The following WDR89 variants were observed in gnomAD, a reference collection of about 807,000 sequenced individuals.
WDR89 encodes WD repeat-containing protein 89.
Under a neutral mutation model 29.1 loss-of-function variants are expected in WDR89, and 17 were observed. The ratio of observed to expected loss-of-function variants is 0.58; its 90% CI spans 0.40 to 0.88. The LOEUF is 0.88. Among genes scored for constraint, WDR89 ranks in the 40% least tolerant of loss-of-function variants. The probability of loss-of-function intolerance (pLI) is 0.00; values close to 1 mark genes in which losing one functional copy is unlikely to be tolerated. For synonymous variants in WDR89, 138 were observed against 157.8 expected (o/e 0.87, Z 0.94); for missense variants, 396 against 456.3 (o/e 0.87, Z 1.20).
intron 2 of WDR89, among the ~76,000 whole-genome samples, chr14:63,614,703 G>C (rs1487240280): frequency 6.6e-6 from 1 of 152,196 alleles, no homozygotes; most frequent in Admixed American, 6.5e-5. Context: ...TTAGAGAAAT[G>C]TATGTGTATG....
chr14:63,632,594 C>T (rs1432633944), intron 1 of WDR89, among the ~76,000 whole-genome samples: 1 of 152,150 alleles, frequency 6.6e-6, no homozygotes, highest in African/African-American at 2.4e-5. Context: ...GATCACACCA[C>T]TGCACTCCAG....
intron 2 of WDR89, among the ~76,000 whole-genome samples, chr14:63,606,681 T>C (rs535145204): frequency 6.6e-6 from 1 of 152,348 alleles, no homozygotes; most frequent in Admixed American, 6.5e-5. Context: ...GACCCATTTC[T>C]CATTGTTAGG....
At chr14:63,624,065 C>A (rs1236961746) in intron 2 of WDR89, among the ~76,000 whole-genome samples, 4 of 152,106 alleles carry the variant, frequency 2.6e-5, no homozygotes, top group Non-Finnish European at 4.4e-5. Context: ...AAAAGGGAAT[C>A]TATGACCTTT....
rs186462597 is a variant in WDR89 at position 63,639,283 on chromosome 14, G to A, written c.-138+2521C>T. Among the ~76,000 whole-genome samples the A allele has an allele frequency of 3.3e-3, 499 of 150,834 alleles. 1 individual carries two copies. Among genetic ancestry groups the A allele is most frequent in the African/African-American group, 0.012 (479 of 40,786 alleles). ...GCCAGTAATGCCAGAACTTTGGGAG[G>A]CCAAGGTGGGAGGACTGCTTGAGCC... On this transcript the variant is annotated intron_variant, in intron 1 of 2. Coordinates refer to ENST00000620954, the MANE Select transcript of WDR89 (RefSeq NM_080666.4).
intron 2 of WDR89, among the ~76,000 whole-genome samples, chr14:63,602,138 C>T (rs1236327689): frequency 6.6e-6 from 1 of 152,080 alleles, no homozygotes; most frequent in African/African-American, 2.4e-5. Context: ...TAATGCATGC[C>T]ATGTGTTCTG....
rs781745691 is a variant in WDR89, at chr14:63,624,959, G to A, written c.-63C>T. 6.6e-6 allele frequency: 1 copy of A among 152,042 alleles called. No individual in the cohort carries two copies. Among genetic ancestry groups the A allele is most frequent in the Non-Finnish European group, 1.5e-5 (1 of 68,006 alleles). The allele number at this position is 152,042 out of a possible 1,614,324, so 9.4% of individuals were successfully genotyped here. On this transcript the variant is annotated 5_prime_UTR_variant, in exon 2 of 3. Coordinates refer to ENST00000620954, the MANE Select transcript of WDR89 (RefSeq NM_080666.4). ...AGCCCACTTTTAGGTATTTACTCAA[G>A]AGAAATGACAACTTATGTCCGTACA...
rs35582220 is a variant in WDR89 at position 63,626,676 on chromosome 14, CAAAAAAAAAAAAAAAAAA to C, written c.-137-1661_-137-1644del. The stretch of plus-strand genomic sequence containing the variant: ...CCTGGGCTACAGAGTGAGACTGTCT[CAAAAAAAAAAAAAAAAAA>C]AAAAAAAAAAAAAAAAGTTCCGTCT... On this transcript the variant is annotated intron_variant, in intron 1 of 2. Transcript: ENST00000620954. Among the ~76,000 whole-genome samples the C allele has an allele frequency of 1.7e-3, 59 of 34,596 alleles. 1 individual carries two copies. The highest frequency in any genetic ancestry group is 3.5e-3 in the African/African-American group (46 of 13,014). 22.7% of individuals were successfully genotyped at this position (34,596 alleles called of 152,430 possible).
chr14:63,615,820 C>T (rs559330505), intron 2 of WDR89, among the ~76,000 whole-genome samples: 2 of 151,192 alleles, frequency 1.3e-5, no homozygotes, highest in Non-Finnish European at 2.9e-5. Context: ...GCTACTCAGG[C>T]GGCTGAGGCA....
At chr14:63,639,058 C>T (rs1377636840) in intron 1 of WDR89, among the ~76,000 whole-genome samples, 4 of 152,028 alleles carry the variant, frequency 2.6e-5, no homozygotes, top group Non-Finnish European at 5.9e-5. Context: ...AGCATGATGT[C>T]CTGTGCAGAA....
At chr14:63,632,568 G>C (rs942779620) in intron 1 of WDR89, among the ~76,000 whole-genome samples, 1 of 152,150 alleles carries the variant, frequency 6.6e-6, no homozygotes, top group Non-Finnish European at 1.5e-5. Flanking sequence ...GGGAGGTGGA[G>C]GTTGCAGTGA....
rs145268468 is a variant in WDR89 at position 63,640,767 on chromosome 14, C to T, written c.-138+1037G>A. 6.4e-3 allele frequency among the ~76,000 whole-genome samples: 974 copies of T among 151,094 alleles called. 11 individuals carry two copies. Among genetic ancestry groups the T allele is most frequent in the East Asian group, 0.025 (129 of 5,088 alleles). On this transcript the variant is annotated intron_variant, in intron 1 of 2. Transcript: ENST00000620954. ...CTGGGATTACTGGCGTGAGCCACCG[C>T]GCCCAGGCTTTTATTGACTTTAAAT...
intron 1 of WDR89, among the ~76,000 whole-genome samples, chr14:63,635,887 A>AAAAC (rs1303886917): frequency 4.6e-5 from 7 of 152,206 alleles, no homozygotes; most frequent in East Asian, 3.8e-4. Flanking sequence ...AATAGCTGCA[A>AAAAC]AAACAAACAA....
chr14:63,604,850 A>T (rs1895233554), intron 2 of WDR89, among the ~76,000 whole-genome samples: 1 of 152,188 alleles, frequency 6.6e-6, no homozygotes, highest in African/African-American at 2.4e-5. Context: ...AGTTAAGATT[A>T]TAATGGAGGC....
At chr14:63,619,637 A>T (rs1259194466) in intron 2 of WDR89, among the ~76,000 whole-genome samples, 1 of 152,068 alleles carries the variant, frequency 6.6e-6, no homozygotes, top group Non-Finnish European at 1.5e-5. Flanking sequence ...AAAACAGAAG[A>T]CAACAAGTAT....
At position 63,599,343 on chromosome 14, in the gene WDR89, A is replaced by G; in HGVS notation, c.600T>C (p.Ile200=). 6.2e-7 allele frequency: 1 copy of G among 1,614,164 alleles called. No individual in the cohort carries two copies. The highest frequency in any genetic ancestry group is 1.3e-5 in the African/African-American group (1 of 75,034). The change falls in exon 3 of 3, where the codon ATT becomes ATC. Residue 200 remains isoleucine, a synonymous_variant. Coordinates refer to ENST00000620954, the MANE Select transcript of WDR89 (RefSeq NM_080666.4). ...SSDGLVNVFD[I]NIDNEEDALV... is the part of the protein sequence containing the mutation. Reference sequence around the variant, plus strand: ...GTGCATCCTCCTCATTATCAATATTAATATCAAATACATTTACCAGGCCAT... The same window carrying G: ...GTGCATCCTCCTCATTATCAATATTGATATCAAATACATTTACCAGGCCAT...
chr14:63,603,483 TG>T (rs1163231576), intron 2 of WDR89, among the ~76,000 whole-genome samples: 1 of 152,246 alleles, frequency 6.6e-6, no homozygotes, highest in Admixed American at 6.5e-5. Context: ...CCTAAATCAA[TG>T]ATTATGCTAG....
intron 2 of WDR89, among the ~76,000 whole-genome samples, chr14:63,609,359 A>G (rs1438618978): frequency 6.6e-6 from 1 of 152,202 alleles, no homozygotes; most frequent in African/African-American, 2.4e-5. Flanking sequence ...TTAACTATTT[A>G]AAAAAACAAC....
chr14:63,630,192 C>G, intron 1 of WDR89, among the ~76,000 whole-genome samples: 1 of 151,546 alleles, frequency 6.6e-6, no homozygotes. Context: ...AGGTGGTCCA[C>G]CTGCCTCGGC....
intron 2 of WDR89, among the ~76,000 whole-genome samples, chr14:63,602,648 T>G (rs1310809270): frequency 6.6e-6 from 1 of 150,546 alleles, no homozygotes; most frequent in African/African-American, 2.4e-5. Flanking sequence ...GGCACATGCC[T>G]GTAATCCCAG....
Sources: gnomAD v4.1 joint callset for allele counts (sites outside exome capture counted in the v4.1 genomes callset) on GRCh38, gnomAD v4.1.1 for gene constraint, MANE v1.5 for transcripts, NCBI Gene and HGNC (gene_info 2026-07-23, HGNC 2026-07-21) for gene names.